C10orf90: variants seen among roughly 807,000 people sequenced by gnomAD.
C10orf90 encodes (E2-independent) E3 ubiquitin-conjugating enzyme FATS.
C10orf90 carries 56 observed loss-of-function variants against 62.5 expected under a neutral mutation model. The ratio of observed to expected loss-of-function variants is 0.90; its 90% CI spans 0.72 to 1.12. The LOEUF is 1.12. Ranked by LOEUF, C10orf90 falls within the 50% of genes most tolerant of loss-of-function variation. The pLI is 0.00. For missense variants in C10orf90, 970 were observed against 880.4 expected, an observed-to-expected ratio of 1.10 and a Z score of -1.29; for synonymous variants, 386 against 340.4, an observed-to-expected ratio of 1.13 and a Z score of -1.47.
intron 3 of C10orf90, among the ~76,000 whole-genome samples, chr10:126,512,860 C>A (rs1224091393): frequency 6.6e-6 from 1 of 152,178 alleles, no homozygotes; most frequent in African/African-American, 2.4e-5. Flanking sequence ...CAAATAACTT[C>A]CTTTCTCCAT....
intron 2 of C10orf90, among the ~76,000 whole-genome samples, chr10:126,631,993 G>A (rs914609729): frequency 6.6e-6 from 1 of 152,118 alleles, no homozygotes; most frequent in Admixed American, 6.5e-5. Flanking sequence ...CTGGAATACA[G>A]TGGCCTTGGA....
chr10:126,578,731 T>C (rs2134012733), intron 2 of C10orf90, among the ~76,000 whole-genome samples: 1 of 152,308 alleles, frequency 6.6e-6, no homozygotes, highest in South Asian at 2.1e-4. Flanking sequence ...GTAACTAAAT[T>C]GAATGTTTGC....
In C10orf90 at chr10:126,604,675, C is replaced by T. The variant is rs1354338284; in HGVS notation, c.313+41890G>A. Among the ~76,000 whole-genome samples, 3 of 152,274 alleles carry T rather than the reference C, an allele frequency of 2.0e-5. 1 individual carries two copies. The South Asian group carries it at 6.2e-4, about 32-fold the overall frequency. On this transcript the variant is annotated intron_variant, in intron 2 of 9. Coordinates refer to ENST00000488181, the MANE Select transcript of C10orf90 (RefSeq NM_001350921.2). ...TGTTTTTACCACATCTCTCCACATC[C>T]AAAGGGTCAGAAAGGCTGAGATTCT...
rs375605068 is a variant in C10orf90, at chr10:126,493,364, CT to C, written c.1534+10592del. On this transcript the variant is annotated intron_variant, in intron 4 of 9. Coordinates refer to ENST00000488181, the MANE Select transcript of C10orf90 (RefSeq NM_001350921.2). The stretch of plus-strand genomic sequence containing the variant: ...TAAGTTTTATAATAAACATGTTTTC[CT>C]TTTTTTTTTTTTTGAGACAGGGTCT... Among the ~76,000 whole-genome samples, 488 of 141,860 alleles carry C rather than the reference CT, an allele frequency of 3.4e-3. 1 individual carries two copies. The highest frequency in any genetic ancestry group is 6.7e-3 in the Admixed American group (96 of 14,268). 93.1% of individuals were successfully genotyped at this position (141,860 alleles called of 152,430 possible). A position where few individuals can be genotyped will look rare whatever the true frequency, so the allele number is the denominator to read the frequency against.
chr10:126,629,186 T>C (rs1024738370), intron 2 of C10orf90, among the ~76,000 whole-genome samples: 2 of 152,234 alleles, frequency 1.3e-5, no homozygotes, highest in Non-Finnish European at 2.9e-5. Flanking sequence ...TTCAACGGCA[T>C]TCATTTACCA....
At chr10:126,576,470 G>A (rs976149266) in intron 2 of C10orf90, among the ~76,000 whole-genome samples, 1 of 151,728 alleles carries the variant, frequency 6.6e-6, no homozygotes, top group African/African-American at 2.4e-5. Flanking sequence ...ACTGTTGGTG[G>A]GAATGTAAAC....
chr10:126,653,225 G>A (rs1323916256), intron 1 of C10orf90, among the ~76,000 whole-genome samples: 1 of 152,202 alleles, frequency 6.6e-6, no homozygotes, highest in East Asian at 1.9e-4. Context: ...GAAGTTTGCT[G>A]CATCAATTGA....
intron 4 of C10orf90, among the ~76,000 whole-genome samples, chr10:126,492,399 T>C (rs1397801215): frequency 6.6e-6 from 1 of 152,204 alleles, no homozygotes; most frequent in African/African-American, 2.4e-5. Flanking sequence ...CTCAGATAGA[T>C]GTACTGTGGT....
chr10:126,608,865 G>A (rs971388163), intron 2 of C10orf90, among the ~76,000 whole-genome samples: 1 of 152,016 alleles, frequency 6.6e-6, no homozygotes, highest in South Asian at 2.1e-4. Context: ...CTAATACTTC[G>A]ATTTTTCCCC....
intron 2 of C10orf90, among the ~76,000 whole-genome samples, chr10:126,531,511 T>TA (rs796461482): frequency 3.3e-5 from 5 of 152,288 alleles, no homozygotes; most frequent in African/African-American, 1.2e-4. Flanking sequence ...CAACAATGTA[T>TA]AAACAAGATA....
chr10:126,567,563 C>CA (rs1844419049), intron 2 of C10orf90, among the ~76,000 whole-genome samples: 1 of 152,134 alleles, frequency 6.6e-6, no homozygotes, highest in South Asian at 2.1e-4. Context: ...AGCAAACCCA[C>CA]AGCTGGGTTG....
chr10:126,623,619 A>T (rs1845687850), intron 2 of C10orf90, among the ~76,000 whole-genome samples: 1 of 152,024 alleles, frequency 6.6e-6, no homozygotes, highest in African/African-American at 2.4e-5. Context: ...AAGTGGGTGG[A>T]TCATTTGAGG....
intron 7 of C10orf90, 143 bp from the exon 8 acceptor site, chr10:126,429,993 T>C (rs1429737199): frequency 2.8e-6 from 2 of 708,054 alleles, no homozygotes; most frequent in East Asian, 5.5e-5. Context: ...CAGTAGAGAC[T>C]GATACACCAT....
chr10:126,463,350 A>G (rs930998316), intron 5 of C10orf90: 1 of 152,372 alleles, frequency 6.6e-6, no homozygotes, highest in Non-Finnish European at 1.5e-5. Context: ...CTCAGCCCCC[A>G]GCCGTGCTCC....
At chr10:126,593,996 G>T (rs1006460238) in intron 2 of C10orf90, among the ~76,000 whole-genome samples, 3 of 151,968 alleles carry the variant, frequency 2.0e-5, no homozygotes, top group Non-Finnish European at 2.9e-5. Flanking sequence ...CCTAAAAGCA[G>T]GATCAGCCCA....
At chr10:126,618,883 G>A (rs1845592488) in intron 2 of C10orf90, among the ~76,000 whole-genome samples, 1 of 152,092 alleles carries the variant, frequency 6.6e-6, no homozygotes, top group Non-Finnish European at 1.5e-5. Flanking sequence ...AAAGCATACA[G>A]CATAGAGCCA....
At chr10:126,582,640 T>A (rs545164403) in intron 2 of C10orf90, among the ~76,000 whole-genome samples, 49 of 152,270 alleles carry the variant, frequency 3.2e-4, no homozygotes, top group South Asian at 3.1e-3. Flanking sequence ...TATAACAATG[T>A]AAATACGAAA....
chr10:126,528,165 A>T (rs1223629201), intron 2 of C10orf90, among the ~76,000 whole-genome samples: 1 of 152,054 alleles, frequency 6.6e-6, no homozygotes, highest in African/African-American at 2.4e-5. Context: ...GTAGAGAGAG[A>T]CGGGGAAGGA....
chr10:126,544,803 C>T (rs866455333), intron 2 of C10orf90, among the ~76,000 whole-genome samples: 18 of 151,078 alleles, frequency 1.2e-4, no homozygotes, highest in African/African-American at 4.1e-4. Context: ...AATGCCCCTG[C>T]CTTGCCCTAT....
Sources: allele counts gnomAD v4.1 joint callset (sites outside exome capture counted in the v4.1 genomes callset), GRCh38; gene constraint gnomAD v4.1.1; transcripts MANE v1.5; gene names NCBI Gene and HGNC (gene_info 2026-07-23, HGNC 2026-07-21).